The following OTUD7A variants were observed in gnomAD, a reference collection of about 807,000 sequenced individuals.
The protein encoded by OTUD7A is OTU deubiquitinase 7A, also known as OTU domain-containing protein 7A.
In OTUD7A, 12 loss-of-function variants were observed where a neutral mutation model predicts 65.7. That is an observed-to-expected ratio of 0.18 (90% CI 0.12 to 0.30). The LOEUF is 0.30. Among genes scored for constraint, OTUD7A ranks in the 10% least tolerant of loss-of-function variants. The pLI, the probability that OTUD7A is intolerant of heterozygous loss-of-function variation, is 1.00. For missense variants in OTUD7A, 1,148 were observed against 1,304.8 expected, an observed-to-expected ratio of 0.88 and a Z score of 1.85; for synonymous variants, 641 against 586.3, an observed-to-expected ratio of 1.09 and a Z score of -1.35.
rs1341960298 is a variant in OTUD7A at position 31,478,358 on chromosome 15, A to ATC, written c.*4934_*4935dup. Reference sequence around the variant, plus strand: ...AAACTAACAAATTATGTATATATATATCCTTGATATGCTCTTTGGGAGGAA... The same window carrying ATC: ...AAACTAACAAATTATGTATATATATATCTCCTTGATATGCTCTTTGGGAGGAA... On this transcript the variant is annotated 3_prime_UTR_variant, in exon 13 of 13. Transcript: ENST00000307050. The ATC allele has an allele frequency of 6.6e-6, 1 of 152,158 alleles. No individual in the cohort carries two copies. The highest frequency in any genetic ancestry group is 1.5e-5 in the Non-Finnish European group (1 of 68,032). The allele number at this position is 152,158 out of a possible 1,614,324, so 9.4% of individuals were successfully genotyped here.
intron 3 of OTUD7A, among the ~76,000 whole-genome samples, chr15:31,622,301 A>C (rs1480638184): frequency 6.6e-6 from 1 of 152,040 alleles, no homozygotes; most frequent in Non-Finnish European, 1.5e-5. Flanking sequence ...CTGAATGTGA[A>C]TGTTGGCCTG....
chr15:31,567,491 T>C lies in OTUD7A; in HGVS notation c.331+2527A>G, dbSNP rs181629227. 5.0e-3 allele frequency among the ~76,000 whole-genome samples: 754 copies of C among 149,906 alleles called. 13 individuals are homozygous for C. Among genetic ancestry groups the C allele is most frequent in the Non-Finnish European group, 5.1e-3 (348 of 67,898 alleles). On this transcript the variant is annotated intron_variant, in intron 4 of 12. Transcript: ENST00000307050. ...TAAAAGGGAAGCAGAATGTAAAAGT[T>C]TGAAAAATTTGCAGCCTAGCCATGT...
intron 3 of OTUD7A, among the ~76,000 whole-genome samples, chr15:31,650,995 G>C (rs1269885495): frequency 6.8e-6 from 1 of 148,116 alleles, no homozygotes; most frequent in Non-Finnish European, 1.5e-5. Flanking sequence ...GGAGGAAGTA[G>C]TCAGTCAGTT....
rs776982425 is a variant in OTUD7A at position 31,570,124 on chromosome 15, T to C, written c.225A>G (p.Pro75=). ...GACCCCGCCCTTCATTGAACACATG[T>C]GGCAGATTGGCTGTGTGCACCTGGC... ...QLRQVHTANL[P]HVFNEGRGPK... The change falls in exon 4 of 13, where the codon CCA becomes CCG. Residue 75 remains proline, a synonymous_variant. Transcript: ENST00000307050. 6.8e-6 allele frequency: 11 copies of C among 1,614,068 alleles called. No homozygotes were observed. The highest frequency in any genetic ancestry group is 8.5e-7 in the Non-Finnish European group (1 of 1,180,042).
At chr15:31,490,594 AG>A (rs2041305889) in intron 10 of OTUD7A, among the ~76,000 whole-genome samples, 1 of 152,250 alleles carries the variant, frequency 6.6e-6, no homozygotes, top group South Asian at 2.1e-4. Context: ...GAGCTTAAGA[AG>A]GGCCAATTCA....
chr15:31,707,851 A>G (rs954154131), intron 1 of OTUD7A, among the ~76,000 whole-genome samples: 3 of 152,094 alleles, frequency 2.0e-5, no homozygotes, highest in African/African-American at 7.2e-5. Flanking sequence ...TTTTTCATTT[A>G]TCTAGATTTT....
At chr15:31,847,836 G>A (rs975853612) in intron 1 of OTUD7A, among the ~76,000 whole-genome samples, 13 of 152,164 alleles carry the variant, frequency 8.5e-5, no homozygotes, top group African/African-American at 3.1e-4. Context: ...AAAGACCAAG[G>A]ATAAGCAAGC....
At chr15:31,532,941 A>G (rs57582774) in intron 5 of OTUD7A, among the ~76,000 whole-genome samples, 1 of 148,976 alleles carries the variant, frequency 6.7e-6, no homozygotes, top group African/African-American at 2.6e-5. Context: ...ATCAAAAAAA[A>G]AAAAAAAAAA....
Position 31,487,965 on chromosome 15 carries a change from C to T in OTUD7A, c.1172-399G>A, listed in dbSNP as rs556506670. 2.1e-4 allele frequency among the ~76,000 whole-genome samples: 32 copies of T among 152,164 alleles called. No homozygotes were observed. The highest frequency in any genetic ancestry group is 7.5e-4 in the African/African-American group (31 of 41,502). On this transcript the variant is annotated intron_variant, in intron 10 of 12. Transcript: ENST00000307050. The surrounding 1 kb of genome is among the most constrained non-coding windows in gnomAD (Gnocchi z 6.0). ...CTCCTGTCTCGTCCCAGAGAAGGGC[C>T]GAATGTGCAAGTCAGGTGAGCAAGG... is the stretch of plus-strand genomic sequence containing the variant.
chr15:31,581,710 C>T (rs1889378209), intron 3 of OTUD7A, among the ~76,000 whole-genome samples: 1 of 152,186 alleles, frequency 6.6e-6, no homozygotes, highest in South Asian at 2.1e-4. Flanking sequence ...GCAGCAAGGC[C>T]CTGGGCCTGG....
rs1030709078 is a variant in OTUD7A, at chr15:31,477,483, C to A, written c.*5811G>T. 6.6e-6 allele frequency: 1 copy of A among 152,154 alleles called. No individual in the cohort carries two copies. The highest frequency in any genetic ancestry group is 1.5e-5 in the Non-Finnish European group (1 of 68,008). 9.4% of individuals were successfully genotyped at this position (152,154 alleles called of 1,614,324 possible). ...TTGTGAGGTGGGGCTAGCGGCAGGG[C>A]AGGCATTCACTTGTCTGTGAACAGA... On this transcript the variant is annotated 3_prime_UTR_variant, in exon 13 of 13. Coordinates refer to ENST00000307050, the MANE Select transcript of OTUD7A (RefSeq NM_001382637.1).
chr15:31,660,999 A>G (rs1254501688), intron 1 of OTUD7A, among the ~76,000 whole-genome samples: 1 of 152,196 alleles, frequency 6.6e-6, no homozygotes, highest in African/African-American at 2.4e-5. Flanking sequence ...TGGACACCCA[A>G]TGGGCCCAAT....
At chr15:31,597,719 A>G (rs777939507) in intron 3 of OTUD7A, among the ~76,000 whole-genome samples, 1 of 151,896 alleles carries the variant, frequency 6.6e-6, no homozygotes, top group Non-Finnish European at 1.5e-5. Flanking sequence ...TACAACCCCA[A>G]TCAGCTTCCA....
intron 1 of OTUD7A, among the ~76,000 whole-genome samples, chr15:31,826,799 C>A (rs1440762612): frequency 1.3e-5 from 2 of 152,148 alleles, no homozygotes; most frequent in Non-Finnish European, 2.9e-5. Context: ...TACCCTAAAT[C>A]ATCTCTCTCA....
intron 5 of OTUD7A, among the ~76,000 whole-genome samples, chr15:31,536,193 C>T (rs1482355007): frequency 6.6e-6 from 1 of 152,212 alleles, no homozygotes; most frequent in African/African-American, 2.4e-5. Context: ...ATGACAGGTG[C>T]ATCTGCACTC....
chr15:31,724,249 T>C (rs1436456422), intron 1 of OTUD7A, among the ~76,000 whole-genome samples: 5 of 152,240 alleles, frequency 3.3e-5, no homozygotes, highest in Non-Finnish European at 5.9e-5. Flanking sequence ...TGAAATAAAA[T>C]CTGTGCTGTT....
At chr15:31,558,329 TCTTG>T (rs1888566549) in intron 5 of OTUD7A, 1 of 152,708 alleles carries the variant, frequency 6.5e-6, no homozygotes, top group African/African-American at 2.4e-5. Flanking sequence ...AGAGAGTTTG[TCTTG>T]CTTCTTGAAC....
chr15:31,661,321 C>T (rs1245981381), intron 1 of OTUD7A, among the ~76,000 whole-genome samples: 6 of 152,072 alleles, frequency 3.9e-5, no homozygotes, highest in South Asian at 2.1e-4. Context: ...GTTCTTAATA[C>T]GAGTTAAACA....
intron 1 of OTUD7A, among the ~76,000 whole-genome samples, chr15:31,694,498 T>C (rs1893029782): frequency 6.6e-6 from 1 of 152,216 alleles, no homozygotes; most frequent in Non-Finnish European, 1.5e-5. Context: ...TCAGCAAGTT[T>C]CAAGAATTTT....
Sources: gnomAD v4.1 joint callset for allele counts (sites outside exome capture counted in the v4.1 genomes callset) on GRCh38, gnomAD v4.1.1 for gene constraint, Gnocchi (gnomAD v3.1) non-coding constraint, MANE v1.5 for transcripts, NCBI Gene and HGNC (gene_info 2026-07-23, HGNC 2026-07-21) for gene names.